Variants in LRRC4B observed in about 807,000 individuals in gnomAD.
LRRC4B encodes leucine rich repeat containing 4B.
Under a neutral mutation model 7.3 loss-of-function variants are expected in LRRC4B, and 1 was observed. The ratio of observed to expected loss-of-function variants is 0.14; its 90% CI spans 0.05 to 0.65. The LOEUF (loss-of-function observed/expected upper bound fraction) is 0.65. Ranked by LOEUF, LRRC4B falls within the 30% of genes least tolerant of loss-of-function variation. The probability of loss-of-function intolerance (pLI) is 0.84; values close to 1 mark genes in which losing one functional copy is unlikely to be tolerated. For missense variants in LRRC4B, 730 were observed against 1,041.6 expected (o/e 0.70, Z 4.12); for synonymous variants, 500 against 499.2 (o/e 1.00, Z -0.02).
At chr19:50,560,615 G>T (rs1403514606) in intron 1 of LRRC4B, among the ~76,000 whole-genome samples, 1 of 152,244 alleles carries the variant, frequency 6.6e-6, no homozygotes, top group Non-Finnish European at 1.5e-5. Context: ...GAGGTGGAAA[G>T]AGTGTTGGTG....
At chr19:50,521,569 A>G (rs540584655) in intron 2 of LRRC4B, among the ~76,000 whole-genome samples, 1 of 152,238 alleles carries the variant, frequency 6.6e-6, no homozygotes, top group African/African-American at 2.4e-5. Context: ...CTGGGATTAC[A>G]GGGTCGTGCC....
At position 50,539,655 on chromosome 19, in the gene LRRC4B, G is replaced by A. The variant is rs577526725; in HGVS notation, c.297+8887C>T. 3.3e-5 allele frequency among the ~76,000 whole-genome samples: 5 copies of A among 152,074 alleles called. No individual in the cohort carries two copies. In the East Asian group the frequency reaches 7.7e-4, roughly 24 times the overall value. On this transcript the variant is annotated intron_variant, in intron 2 of 2. Transcript: ENST00000652263. ...TGTAATCCCAGCACTTTGGGAGGCC[G>A]AGGCAGGTGGATCACAAGGTCAGGA...
chr19:50,525,671 C>T (rs1168201562), intron 2 of LRRC4B, among the ~76,000 whole-genome samples: 1 of 151,304 alleles, frequency 6.6e-6, no homozygotes, highest in Non-Finnish European at 1.5e-5. Context: ...CTGCCCAACT[C>T]GGCCTCCCAA....
At chr19:50,565,590 G>A (rs1472876780) in intron 1 of LRRC4B, among the ~76,000 whole-genome samples, 1 of 151,252 alleles carries the variant, frequency 6.6e-6, no homozygotes, top group African/African-American at 2.4e-5. Context: ...TTGCCTCCAC[G>A]TGCCCCGTGT....
At chr19:50,530,659 G>A (rs989841784) in intron 2 of LRRC4B, among the ~76,000 whole-genome samples, 6 of 152,180 alleles carry the variant, frequency 3.9e-5, no homozygotes, top group Admixed American at 6.5e-5. Flanking sequence ...GACTCACTCC[G>A]CTCAGGGCTT....
chr19:50,518,399 C>A lies in LRRC4B; in HGVS notation c.1314G>T (p.Val438=). ...VQDTGQYTCM[V]TNSAGNTTAS... ...CGGTGGTGTTGCCGGCTGAGTTCGT[C>A]ACCATGCACGTGTACTGGCCCGTGT... The change falls in exon 3 of 3, where the codon GTG becomes GTT. Residue 438 remains valine (V), a synonymous_variant. Coordinates refer to ENST00000652263, the MANE Select transcript of LRRC4B (RefSeq NM_001080457.2). 1 of 1,581,180 alleles carries A rather than the reference C, an allele frequency of 6.3e-7. No homozygotes were observed. The highest frequency in any genetic ancestry group is 8.6e-7 in the Non-Finnish European group (1 of 1,166,256).
intron 1 of LRRC4B, among the ~76,000 whole-genome samples, chr19:50,550,655 C>A (rs1982015661): frequency 6.6e-6 from 1 of 152,124 alleles, no homozygotes; most frequent in South Asian, 2.1e-4. Flanking sequence ...CACAGAGAGA[C>A]AGAGACAGAA....
At chr19:50,525,836 C>G (rs1166411171) in intron 2 of LRRC4B, among the ~76,000 whole-genome samples, 1 of 152,118 alleles carries the variant, frequency 6.6e-6, no homozygotes, top group African/African-American at 2.4e-5. Flanking sequence ...CCCAGCTGCA[C>G]CTCAGCCCTC....
In LRRC4B at chr19:50,518,213, T is replaced by C. The variant is rs781543956; in HGVS notation, c.1500A>G (p.Gly500=). 1 of 1,608,936 alleles carries C rather than the reference T, an allele frequency of 6.2e-7. No homozygotes were observed. The highest frequency in any genetic ancestry group is 8.5e-7 in the Non-Finnish European group (1 of 1,178,714). The change falls in exon 3 of 3, where the codon GGA becomes GGG. Residue 500 remains glycine, a synonymous_variant. Coordinates refer to ENST00000652263, the MANE Select transcript of LRRC4B (RefSeq NM_001080457.2). ...VTVETLETQP[G]EEALQPRGTE... ...TCCCCCGCGGCTGCAGGGCCTCCTC[T>C]CCGGGCTGCGTCTCCAGGGTCTCCA...
chr19:50,541,551 C>A (rs1981551543), intron 2 of LRRC4B, among the ~76,000 whole-genome samples: 1 of 152,032 alleles, frequency 6.6e-6, no homozygotes, highest in South Asian at 2.1e-4. Flanking sequence ...TACTTCTAAA[C>A]GTTGGTAGTC....
intron 2 of LRRC4B, among the ~76,000 whole-genome samples, chr19:50,522,330 C>T (rs1980615735): frequency 6.6e-6 from 1 of 152,138 alleles, no homozygotes; most frequent in Admixed American, 6.6e-5. Context: ...GGCACTATTA[C>T]CAGTCCTTAT....
At chr19:50,567,515 C>T (rs538301334) in intron 1 of LRRC4B, among the ~76,000 whole-genome samples, 2 of 151,608 alleles carry the variant, frequency 1.3e-5, no homozygotes, top group Non-Finnish European at 2.9e-5. Flanking sequence ...GTGCCCCCCC[C>T]ACCCCAAGCA....
In LRRC4B at chr19:50,548,663, A is replaced by G. The variant is rs1258019738; in HGVS notation, c.176T>C (p.Val59Ala). 4 of 1,566,694 alleles carry G rather than the reference A, an allele frequency of 2.6e-6. No homozygotes were observed. The highest frequency in any genetic ancestry group is 3.5e-6 in the Non-Finnish European group (4 of 1,159,132). ...GGCCTGGTTGCTGCAGGAGCAGGCC[A>G]CGGGGCAGGAGGTGGCCGGCGGGGA... ...GGSPPATSCP[V>A]ACSCSNQASR... is the part of the protein sequence containing the mutation. Residue 59 changes from valine (V) to alanine (A), a missense_variant, in exon 2 of 3, where the codon GTG (valine) becomes GCG (alanine). Val to Ala is a moderately conservative substitution (Grantham distance 64, BLOSUM62 0). Around this residue, in one of 6 missense-constraint regions of LRRC4B, gnomAD observed 143 missense variants for 158.4 expected, o/e 0.90. Coordinates refer to ENST00000652263, the MANE Select transcript of LRRC4B (RefSeq NM_001080457.2). This position sits in a 1 kb window ranked among gnomAD's most constrained non-coding sequence, Gnocchi z 6.8.
intron 1 of LRRC4B, among the ~76,000 whole-genome samples, chr19:50,554,201 G>C (rs951839859): frequency 2.6e-5 from 4 of 151,936 alleles, no homozygotes; most frequent in Admixed American, 6.6e-5. Context: ...CACCATGTGG[G>C]CCAGGCTGGT....
At chr19:50,539,011 C>A (rs1414573187) in intron 2 of LRRC4B, among the ~76,000 whole-genome samples, 1 of 151,942 alleles carries the variant, frequency 6.6e-6, no homozygotes, top group Non-Finnish European at 1.5e-5. Context: ...CCTCAGCCTC[C>A]CAAGTAGCCA....
In LRRC4B at chr19:50,544,984, C is replaced by T. The variant is rs374217165; in HGVS notation, c.297+3558G>A. 2.8e-4 allele frequency among the ~76,000 whole-genome samples: 42 copies of T among 151,942 alleles called. No individual in the cohort carries two copies. The East Asian group carries it at 6.6e-3, about 24-fold the overall frequency. On this transcript the variant is annotated intron_variant, in intron 2 of 2. Transcript: ENST00000652263. ...AAAATTAGCCGGACGTGGTGGGTGG[C>T]GCCTGTAATCCCAGCTACTCAGGAG...
At chr19:50,562,633 G>A (rs76910001) in intron 1 of LRRC4B, among the ~76,000 whole-genome samples, 2,662 of 152,254 alleles carry the variant, frequency 0.017, 88 homozygotes, top group African/African-American at 0.061. Context: ...AACTCCCTGG[G>A]CTGGGGCAGC....
chr19:50,566,541 G>C (rs1305886765), intron 1 of LRRC4B, among the ~76,000 whole-genome samples: 2 of 150,688 alleles, frequency 1.3e-5, no homozygotes, highest in African/African-American at 4.9e-5. Flanking sequence ...GAGGAGGTCT[G>C]GGGAAGGAGA....
In LRRC4B at chr19:50,518,446, A is replaced by C; in HGVS notation, c.1267T>G (p.Phe423Val). Residue 423 changes from phenylalanine (F) to valine (V), a missense_variant, in exon 3 of 3, where the codon TTC becomes GTC. Physicochemically the swap from Phe to Val is conservative, Grantham distance 50. Coordinates refer to ENST00000652263, the MANE Select transcript of LRRC4B (RefSeq NM_001080457.2). ...GTGTCCTGCACGGTGACGTTGGTGA[A>C]GTTAAGCGTGCCGTCATGCAGGACG... ...ISVLHDGTLNFTNVTVQDTGQ... is the reference protein window; with the variant it reads ...ISVLHDGTLNVTNVTVQDTGQ... 1 of 1,552,014 alleles carries C rather than the reference A, an allele frequency of 6.4e-7. No individual in the cohort carries two copies. Among genetic ancestry groups the C allele is most frequent in the Non-Finnish European group, 8.7e-7 (1 of 1,149,938 alleles).
Sources: gnomAD v4.1 joint callset for allele counts (sites outside exome capture counted in the v4.1 genomes callset) on GRCh38, gnomAD v4.1.1 for gene constraint, gnomAD v4.1.1 regional missense constraint, Gnocchi (gnomAD v3.1) non-coding constraint, MANE v1.5 for transcripts, NCBI Gene and HGNC (gene_info 2026-07-23, HGNC 2026-07-21) for gene names.